EFTUD2: variants seen among roughly 807,000 people sequenced by gnomAD.
EFTUD2 encodes 116 kDa U5 small nuclear ribonucleoprotein component.
In EFTUD2, 9 loss-of-function variants were observed where a neutral mutation model predicts 114.3. That is an observed-to-expected ratio of 0.08 (90% CI 0.05 to 0.14). The LOEUF is 0.14. Among genes scored for constraint, EFTUD2 ranks in the 10% least tolerant of loss-of-function variants. The pLI is 1.00. For synonymous variants in EFTUD2, 449 were observed against 462.3 expected, an observed-to-expected ratio of 0.97 and a Z score of 0.37; for missense variants, 765 against 1,241.2, an observed-to-expected ratio of 0.62 and a Z score of 5.76.
At chr17:44,893,573 A>G (rs563169815) in intron 2 of EFTUD2, among the ~76,000 whole-genome samples, 1 of 152,332 alleles carries the variant, frequency 6.6e-6, no homozygotes, top group Admixed American at 6.5e-5. Context: ...CTAATGATCA[A>G]CTAGAGCTCA....
chr17:44,880,435 A>C, intron 8 of EFTUD2, 119 bp downstream of exon 8: 1 of 668,508 alleles, frequency 1.5e-6, no homozygotes, highest in South Asian at 2.0e-5. Context: ...AAATGGTTTC[A>C]ATGAAGGTGA....
At chr17:44,885,371 G>C in intron 3 of EFTUD2, 37 bp from the exon 4 acceptor site, 1 of 1,404,356 alleles carries the variant, frequency 7.1e-7, no homozygotes, top group Non-Finnish European at 1.0e-6. Context: ...GTGTAGGTGG[G>C]CATAAAACAT....
Position 44,864,964 on chromosome 17 carries a change from C to A in EFTUD2, c.1251G>T (p.Arg417Ser). Residue 417 changes from arginine to serine, a missense_variant, in exon 14 of 28, where the codon AGG (arginine) becomes AGT (serine). Around this residue, in one of 6 missense-constraint regions of EFTUD2, gnomAD observed 251 missense variants for 357.7 expected, o/e 0.70. Transcript: ENST00000426333. The part of the protein sequence containing the change: ...ELKLNIRPLL[R>S]LVCKKFFGEF... ...CGCCAAAGAACTTTTTGCAGACCAG[C>A]CTGAGCAAGGGGCGGATGTTCAGCT... 1 of 1,614,130 alleles carries A rather than the reference C, an allele frequency of 6.2e-7. No homozygotes were observed. Among genetic ancestry groups the A allele is most frequent in the South Asian group, 1.1e-5 (1 of 91,080 alleles).
At chr17:44,888,086 C>T (rs2051208743) in intron 2 of EFTUD2, among the ~76,000 whole-genome samples, 1 of 152,172 alleles carries the variant, frequency 6.6e-6, no homozygotes, top group Admixed American at 6.5e-5. Flanking sequence ...GAAGAGCATT[C>T]TAGTCGGCTG....
intron 16 of EFTUD2, among the ~76,000 whole-genome samples, chr17:44,861,733 C>CA (rs1008506978): frequency 7.6e-5 from 11 of 145,174 alleles, no homozygotes; most frequent in East Asian, 2.0e-4. Context: ...GACTCCATCT[C>CA]AAAAAAAAAA....
intron 1 of EFTUD2, among the ~76,000 whole-genome samples, chr17:44,897,887 T>A (rs1364231117): frequency 2.0e-5 from 3 of 152,012 alleles, no homozygotes; most frequent in Non-Finnish European, 4.4e-5. Flanking sequence ...TTTAAATAAT[T>A]GAGAAAAAAG....
At chr17:44,858,287 G>A (rs1228445599) in intron 19 of EFTUD2, among the ~76,000 whole-genome samples, 1 of 152,056 alleles carries the variant, frequency 6.6e-6, no homozygotes, top group Non-Finnish European at 1.5e-5. Flanking sequence ...CCATGCTAGG[G>A]TGCAGTGGCA....
In EFTUD2 at chr17:44,872,440, G is replaced by A. The variant is rs11654183; in HGVS notation, c.994+6C>T. On this transcript the variant is annotated splice_donor_region_variant and intron_variant, in intron 11 of 27. Coordinates refer to ENST00000426333, the MANE Select transcript of EFTUD2 (RefSeq NM_004247.4). ...CTGGTGAGACAGACTGCCAGCCAGC[G>A]CTTACCAAAGGTGTCGGCATAGATC... 0.27 allele frequency: 438,654 copies of A among 1,610,700 alleles called. 60,129 individuals carry two copies. Among genetic ancestry groups the A allele is most frequent in the South Asian group, 0.28 (25,647 of 90,946 alleles).
intron 2 of EFTUD2, among the ~76,000 whole-genome samples, chr17:44,892,749 T>C (rs531436159): frequency 8.7e-5 from 13 of 148,660 alleles, no homozygotes; most frequent in African/African-American, 1.5e-4. Context: ...GCAATTCTCC[T>C]GCCTCAGCCT....
intron 11 of EFTUD2, among the ~76,000 whole-genome samples, chr17:44,871,995 GGCATGTTA>G (rs1315109635): frequency 6.6e-6 from 1 of 152,174 alleles, no homozygotes. Context: ...CATGCGGCTG[GGCATGTTA>G]GCAGAGGCCT....
intron 18 of EFTUD2, chr17:44,859,557 C>T (rs548781542): frequency 7.0e-5 from 35 of 498,182 alleles, no homozygotes; most frequent in Non-Finnish European, 1.2e-4. Context: ...ACTTTTCCTT[C>T]TCTTCTCGAG....
intron 8 of EFTUD2, 142 bp downstream of exon 8, chr17:44,880,412 G>T: frequency 1.7e-6 from 1 of 579,468 alleles, no homozygotes; most frequent in Non-Finnish European, 3.1e-6. Context: ...ACAAAGGAGA[G>T]AGTCAAAATG....
intron 10 of EFTUD2, among the ~76,000 whole-genome samples, chr17:44,873,636 C>T (rs1159065796): frequency 6.6e-6 from 1 of 151,978 alleles, no homozygotes; most frequent in African/African-American, 2.4e-5. Context: ...AGGTATAAGC[C>T]ACTGTGCCTG....
chr17:44,882,165 C>G (rs2051083446), intron 6 of EFTUD2, among the ~76,000 whole-genome samples: 1 of 152,158 alleles, frequency 6.6e-6, no homozygotes, highest in African/African-American at 2.4e-5. Flanking sequence ...AACTCCTGAC[C>G]TCATGTGATC....
At chr17:44,858,778 G>C (rs745945248) in intron 19 of EFTUD2, among the ~76,000 whole-genome samples, 1 of 152,002 alleles carries the variant, frequency 6.6e-6, no homozygotes, top group Non-Finnish European at 1.5e-5. Context: ...TGTAGAGGCA[G>C]TGTCTCACTT....
rs9899348 is a variant in EFTUD2 at position 44,858,261 on chromosome 17, G to A, written c.1962+819C>T. ...TCAATGCATTTATTTTTTGAGACAGGGTCTTGCTCTGTCACCCATGCTAGG... is the reference window on the plus strand; with the variant it reads ...TCAATGCATTTATTTTTTGAGACAGAGTCTTGCTCTGTCACCCATGCTAGG... On this transcript the variant is annotated intron_variant, in intron 19 of 27. Coordinates refer to ENST00000426333, the MANE Select transcript of EFTUD2 (RefSeq NM_004247.4). 7.0e-3 allele frequency among the ~76,000 whole-genome samples: 1,061 copies of A among 151,794 alleles called. 14 individuals carry two copies. The highest frequency in any genetic ancestry group is 0.024 in the African/African-American group (995 of 41,356).
Position 44,883,727 on chromosome 17 carries a change from G to C in EFTUD2, c.351-3C>G, listed in dbSNP as rs377381121. The C allele has an allele frequency of 1.2e-5, 20 of 1,613,926 alleles. No homozygotes were observed. The African/African-American group carries it at 2.5e-4, about 20-fold the overall frequency. ...TATCCATCAGATCCGCCAAGAAACT[G>C]AAAGGACAAAGGAAAAGAGAAAAGA... On this transcript the variant is annotated splice_polypyrimidine_tract_variant and splice_region_variant and intron_variant, in intron 4 of 27. Coordinates refer to ENST00000426333, the MANE Select transcript of EFTUD2 (RefSeq NM_004247.4).
intron 18 of EFTUD2, 137 bp from the exon 19 acceptor site, chr17:44,859,318 A>G (rs2050613873): frequency 2.9e-6 from 2 of 682,796 alleles, no homozygotes; most frequent in Non-Finnish European, 5.3e-6. Context: ...AGCCTCTTCA[A>G]GAAGGTTCAG....
rs762632116 is a variant in EFTUD2 at position 44,886,565 on chromosome 17, C to T, written c.271+20G>A. ...CAGGTTTCAATTTCACTCCGCACAG[C>T]CCATGTCCTCCTGATGTACCTGTGA... On this transcript the variant is annotated intron_variant, in intron 3 of 27. Transcript: ENST00000426333. 8 of 1,613,906 alleles carry T rather than the reference C, an allele frequency of 5.0e-6. No homozygotes were observed. The highest frequency in any genetic ancestry group is 6.8e-6 in the Non-Finnish European group (8 of 1,179,918).
Sources: gnomAD v4.1 joint callset for allele counts (sites outside exome capture counted in the v4.1 genomes callset) on GRCh38, gnomAD v4.1.1 for gene constraint, gnomAD v4.1.1 regional missense constraint, MANE v1.5 for transcripts, NCBI Gene and HGNC (gene_info 2026-07-23, HGNC 2026-07-21) for gene names.